Variants in DOCK9 observed in about 807,000 individuals in gnomAD.
DOCK9 encodes the protein dedicator of cytokinesis protein 9.
Under a neutral mutation model 263.3 loss-of-function variants are expected in DOCK9, and 89 were observed. The ratio of observed to expected loss-of-function variants is 0.34; its 90% confidence interval spans 0.28 to 0.40. The LOEUF is 0.40. Among genes scored for constraint, DOCK9 ranks in the 10% least tolerant of loss-of-function variants. DOCK9 has a pLI of 1.00. For missense variants in DOCK9, 2,140 were observed against 2,603.4 expected (o/e 0.82, Z 3.87); for synonymous variants, 976 against 973.1 (o/e 1.00, Z -0.06).
intron 1 of DOCK9, among the ~76,000 whole-genome samples, chr13:99,024,558 T>C (rs1047511181): frequency 2.0e-5 from 3 of 152,246 alleles, no homozygotes; most frequent in Non-Finnish European, 2.9e-5. Context: ...AGATTCTACA[T>C]ACATCAGTTA....
At position 98,872,292 on chromosome 13, in the gene DOCK9, G is replaced by A. The variant is rs190504241; in HGVS notation, c.2944-3915C>T. On this transcript the variant is annotated intron_variant, in intron 27 of 52. Transcript: ENST00000682017. ...CAAACAACAAAAGTAATGGGGCTGA[G>A]AAGAAATTTACCAATGACATTTCCC... is the stretch of plus-strand genomic sequence containing the variant. Among the ~76,000 whole-genome samples the A allele has an allele frequency of 5.3e-5, 8 of 152,326 alleles. No homozygotes were observed. In the East Asian group the frequency reaches 1.5e-3, roughly 29 times the overall value.
chr13:98,938,194 T>A (rs2055217649), intron 2 of DOCK9, among the ~76,000 whole-genome samples: 1 of 152,254 alleles, frequency 6.6e-6, no homozygotes, highest in African/African-American at 2.4e-5. Context: ...GAAGCTCATG[T>A]TTCAAACCAC....
upstream of DOCK9, among the ~76,000 whole-genome samples, chr13:98,981,061 G>GTT (rs1038373466): frequency 7.0e-6 from 1 of 142,100 alleles, no homozygotes; most frequent in Non-Finnish European, 1.5e-5. Context: ...TTTGTTTTTT[G>GTT]TTTTTTTTTT....
Position 98,848,604 on chromosome 13 carries a change from C to G in DOCK9, c.4049G>C (p.Arg1350Pro). 6.2e-7 allele frequency: 1 copy of G among 1,612,210 alleles called. No homozygotes were observed. The highest frequency in any genetic ancestry group is 8.5e-7 in the Non-Finnish European group (1 of 1,179,338). ...CLHQFQYMGK[R>P]YIARNQEGLG... ...CGCCCCACAGTACCTGGCTATGTAT[C>G]GCTTCCCCATGTACTGGAACTGGTG... Residue 1350 changes from arginine to proline, a missense_variant, in exon 37 of 53, where the codon CGA becomes CCA. Coordinates refer to ENST00000682017, the MANE Select transcript of DOCK9 (RefSeq NM_001366683.2).
At chr13:98,861,703 G>T (rs1025034456) in intron 32 of DOCK9, among the ~76,000 whole-genome samples, 7 of 152,142 alleles carry the variant, frequency 4.6e-5, no homozygotes, top group Non-Finnish European at 7.3e-5. Context: ...TCATATGAAA[G>T]GTACCAGAGA....
chr13:99,040,511 T>A (rs1433797926), intron 1 of DOCK9, among the ~76,000 whole-genome samples: 1 of 152,216 alleles, frequency 6.6e-6, no homozygotes, highest in African/African-American at 2.4e-5. Context: ...TTAAAAAAAA[T>A]TGTACATGGT....
upstream of DOCK9, among the ~76,000 whole-genome samples, chr13:98,980,940 C>T (rs1388674578): frequency 6.6e-6 from 1 of 151,936 alleles, no homozygotes; most frequent in Non-Finnish European, 1.5e-5. Context: ...AAGGAAAACA[C>T]TTTTAATTTG....
intron 48 of DOCK9, among the ~76,000 whole-genome samples, chr13:98,806,190 C>T (rs1481254030): frequency 6.6e-6 from 1 of 152,180 alleles, no homozygotes; most frequent in Non-Finnish European, 1.5e-5. Context: ...AGATTAGATG[C>T]AACAGCTGCA....
chr13:99,079,026 T>C (rs1446219922), intron 1 of DOCK9, among the ~76,000 whole-genome samples: 1 of 152,244 alleles, frequency 6.6e-6, no homozygotes, highest in Non-Finnish European at 1.5e-5. Flanking sequence ...AAGAGATTTA[T>C]GCTAAAGAAA....
chr13:98,845,889 G>C (rs376142118), intron 38 of DOCK9, 35 bp downstream of exon 38: 17 of 1,608,748 alleles, frequency 1.1e-5, no homozygotes, highest in Non-Finnish European at 1.4e-5. Context: ...CACATGAGAT[G>C]GCTGGCTGTT....
At position 99,073,307 on chromosome 13, in the gene DOCK9, TTC is replaced by T. The variant is rs145465576; in HGVS notation, c.129+12914_129+12915del. ...TAAGGAATTCTCTCATTCTCATTCA[TTC>T]TCTCTCTCTCTCTCTTCTCTCTCTT... On this transcript the variant is annotated intron_variant, in intron 1 of 32. Transcript: ENST00000427887. Among the ~76,000 whole-genome samples, 54 of 149,672 alleles carry T rather than the reference TTC, an allele frequency of 3.6e-4. 1 individual carries two copies. In the South Asian group the frequency reaches 8.5e-3, roughly 24 times the overall value.
At chr13:98,944,495 A>G (rs1307660350) in intron 2 of DOCK9, among the ~76,000 whole-genome samples, 1 of 151,968 alleles carries the variant, frequency 6.6e-6, no homozygotes, top group African/African-American at 2.4e-5. Context: ...CTTGTACCCT[A>G]ACTGTTTCAG....
chr13:99,076,032 A>G (rs2041896799), intron 1 of DOCK9, among the ~76,000 whole-genome samples: 2 of 152,230 alleles, frequency 1.3e-5, no homozygotes, highest in Admixed American at 1.3e-4. Context: ...AGGCAGGAAG[A>G]TTCAAAGTTC....
intron 1 of DOCK9, among the ~76,000 whole-genome samples, chr13:98,983,900 A>G (rs936192989): frequency 2.0e-5 from 3 of 152,152 alleles, no homozygotes; most frequent in Non-Finnish European, 4.4e-5. Context: ...TACAGGTGTG[A>G]GCCACTGTGC....
In DOCK9 at chr13:98,938,075, C is replaced by T. The variant is rs1394670498; in HGVS notation, c.244-7818G>A. ...TCTCTCTGCAGCTTAAATGTGGAAT[C>T]CCTCTCTCCTAACGACATTCCTGAC... On this transcript the variant is annotated intron_variant, in intron 2 of 52. Coordinates refer to ENST00000682017, the MANE Select transcript of DOCK9 (RefSeq NM_001366683.2). Among the ~76,000 whole-genome samples, 3 of 152,312 alleles carry T rather than the reference C, an allele frequency of 2.0e-5. No homozygotes were observed. In the East Asian group the frequency reaches 5.8e-4, roughly 29 times the overall value.
intron 1 of DOCK9, 108 bp downstream of exon 1, chr13:98,977,676 G>A (rs1875354260): frequency 1.5e-5 from 15 of 1,033,830 alleles, no homozygotes; most frequent in Admixed American, 2.5e-5. Context: ...GACAAGCAGA[G>A]CAAGTTTTGA....
chr13:98,867,264 T>C (rs531162306), intron 30 of DOCK9, among the ~76,000 whole-genome samples, 161 bp downstream of exon 30: 61 of 152,362 alleles, frequency 4.0e-4, no homozygotes, highest in African/African-American at 1.4e-3. Context: ...TTCCCATATT[T>C]TACCAATACT....
At position 98,800,369 on chromosome 13, in the gene DOCK9, C is replaced by T. The variant is rs749137654; in HGVS notation, c.5835G>A (p.Ala1945=). ...VAIDEMSKKV[A]ELRQLCSSAE... Reference sequence around the variant, plus strand: ...CCGAGGAGCACAGCTGCCGGAGCTCCGCCACCTTCTTACTCATCTCGTCAA... The same window carrying T: ...CCGAGGAGCACAGCTGCCGGAGCTCTGCCACCTTCTTACTCATCTCGTCAA... The change falls in exon 50 of 53, where the codon GCG becomes GCA. Residue 1945 remains alanine, a synonymous_variant. Coordinates refer to ENST00000682017, the MANE Select transcript of DOCK9 (RefSeq NM_001366683.2). 1.3e-4 allele frequency: 212 copies of T among 1,613,654 alleles called. No homozygotes were observed. The highest frequency in any genetic ancestry group is 1.6e-4 in the Middle Eastern group (1 of 6,084).
chr13:99,084,612 T>G (rs2042257261), intron 1 of DOCK9, among the ~76,000 whole-genome samples: 1 of 152,234 alleles, frequency 6.6e-6, no homozygotes, highest in African/African-American at 2.4e-5. Flanking sequence ...ATTCGGGGAC[T>G]ACTGCACATC....
Sources: gnomAD v4.1 joint callset for allele counts (sites outside exome capture counted in the v4.1 genomes callset) on GRCh38, gnomAD v4.1.1 for gene constraint, MANE v1.5 for transcripts, NCBI Gene and HGNC (gene_info 2026-07-23, HGNC 2026-07-21) for gene names.